AK5: variants seen among roughly 807,000 people sequenced by gnomAD.
The protein encoded by AK5 is adenylate kinase isoenzyme 5.
Under a neutral mutation model 69.5 loss-of-function variants are expected in AK5, and 27 were observed. The observed-to-expected ratio is 0.39, with a 90% CI of 0.29 to 0.54. AK5 has a LOEUF of 0.54. Among genes scored for constraint, AK5 ranks in the 20% least tolerant of loss-of-function variants. AK5 has a pLI of 0.71. For synonymous variants in AK5, 260 were observed against 244.4 expected (o/e 1.06, Z -0.60); for missense variants, 531 against 700.4 (o/e 0.76, Z 2.73).
rs756128315 is a variant in AK5 at position 77,535,948 on chromosome 1, C to T, written c.1530C>T (p.Thr510=). 29 of 1,613,982 alleles carry T rather than the reference C, an allele frequency of 1.8e-5. No individual in the cohort carries two copies. The highest frequency in any genetic ancestry group is 1.5e-5 in the Non-Finnish European group (18 of 1,180,030). The change falls in exon 13 of 14, where the codon ACC becomes ACT. Residue 510 remains threonine, a synonymous_variant. Transcript: ENST00000354567. ...RSRSSLPVDD[T]TKTIAKRLEA... The stretch of plus-strand genomic sequence containing the variant: ...GGAGCAGCCTGCCTGTGGACGACAC[C>T]ACCAAGACCATCGCCAAGCGCCTAG...
intron 6 of AK5, among the ~76,000 whole-genome samples, chr1:77,390,262 T>C (rs1424724225): frequency 6.6e-6 from 1 of 152,240 alleles, no homozygotes; most frequent in Non-Finnish European, 1.5e-5. Flanking sequence ...ACAGTTCTAA[T>C]GGTGTGAAAT....
At chr1:77,324,133 C>G (rs1660668392) in intron 5 of AK5, among the ~76,000 whole-genome samples, 1 of 152,024 alleles carries the variant, frequency 6.6e-6, no homozygotes, top group Non-Finnish European at 1.5e-5. Context: ...GGCAATCTAC[C>G]CATTTACTAA....
At chr1:77,325,403 A>G (rs1224836741) in intron 5 of AK5, among the ~76,000 whole-genome samples, 1 of 152,152 alleles carries the variant, frequency 6.6e-6, no homozygotes, top group Non-Finnish European at 1.5e-5. Context: ...TTATATCATC[A>G]GGGTTTCTCA....
intron 7 of AK5, among the ~76,000 whole-genome samples, chr1:77,416,961 T>C (rs1255914944): frequency 6.6e-6 from 1 of 152,172 alleles, no homozygotes; most frequent in Admixed American, 6.5e-5. Context: ...AGAAGTCCCA[T>C]TGTAAAAATT....
At chr1:77,503,927 G>GA (rs1487635719) in intron 10 of AK5, among the ~76,000 whole-genome samples, 1 of 151,760 alleles carries the variant, frequency 6.6e-6, no homozygotes, top group African/African-American at 2.4e-5. Flanking sequence ...AAATGGGGTT[G>GA]AAAAAAATTT....
rs750577977 is a variant in AK5, at chr1:77,539,449, A to G, written c.1620+3411A>G. ...GCCTTCAGGACTCCCAGAGAGTCTC[A>G]GGGAGGCTGCTTCATCCCACTGCCC... On this transcript the variant is annotated intron_variant, in intron 13 of 13. Transcript: ENST00000354567. Among the ~76,000 whole-genome samples, 6 of 152,320 alleles carry G rather than the reference A, an allele frequency of 3.9e-5. No individual in the cohort carries two copies. In the South Asian group the frequency reaches 6.2e-4, roughly 16 times the overall value.
intron 10 of AK5, among the ~76,000 whole-genome samples, chr1:77,488,264 A>G (rs1275849909): frequency 2.0e-5 from 3 of 152,312 alleles, no homozygotes; most frequent in East Asian, 3.9e-4. Context: ...AAGTAAAACT[A>G]TATATTGCTT....
intron 5 of AK5, among the ~76,000 whole-genome samples, chr1:77,329,881 A>G (rs1570389909): frequency 6.6e-6 from 1 of 152,216 alleles, no homozygotes. Context: ...GGAGCCAGAG[A>G]ACCATAAACT....
At chr1:77,345,648 T>C (rs951732269) in intron 6 of AK5, among the ~76,000 whole-genome samples, 5 of 152,180 alleles carry the variant, frequency 3.3e-5, no homozygotes, top group African/African-American at 9.7e-5. Context: ...ACGATTGACA[T>C]AGAGAGCACA....
In AK5 at chr1:77,486,331, T is replaced by C. The variant is rs1655587882; in HGVS notation, c.1126T>C (p.Cys376Arg). 6.3e-7 allele frequency: 1 copy of C among 1,579,044 alleles called. No homozygotes were observed. Among genetic ancestry groups the C allele is most frequent in the Admixed American group, 1.7e-5 (1 of 59,304 alleles). ...AGGTTTCATGGAAGATTTGAGAAAG[T>C]GTAAAATTATTTTCATAATTGGTGA... Reference protein sequence around the residue: ...MGGFMEDLRKCKIIFIIGGPG... With the variant: ...MGGFMEDLRKRKIIFIIGGPG... The change falls in exon 10 of 14, where the codon TGT becomes CGT. Residue 376 changes from cysteine to arginine, a missense_variant. By Grantham distance (180) the Cys-to-Arg change is radical. Coordinates refer to ENST00000354567, the MANE Select transcript of AK5 (RefSeq NM_174858.3).
At chr1:77,424,404 A>G (rs2100597037) in intron 8 of AK5, among the ~76,000 whole-genome samples, 1 of 152,212 alleles carries the variant, frequency 6.6e-6, no homozygotes, top group South Asian at 2.1e-4. Context: ...AGGACTACAG[A>G]TGTACACCAC....
At chr1:77,421,503 T>G (rs944501414) in intron 8 of AK5, among the ~76,000 whole-genome samples, 24 of 152,162 alleles carry the variant, frequency 1.6e-4, no homozygotes, top group African/African-American at 5.8e-4. Context: ...TCCAAAGGGA[T>G]TATGGATGGG....
intron 13 of AK5, among the ~76,000 whole-genome samples, chr1:77,536,893 G>A (rs758902765): frequency 5.9e-5 from 9 of 152,160 alleles, no homozygotes; most frequent in East Asian, 1.9e-4. Flanking sequence ...GGAAATGAGT[G>A]TATCAACCTA....
At chr1:77,395,317 T>G (rs1340412290) in intron 6 of AK5, among the ~76,000 whole-genome samples, 10 of 152,236 alleles carry the variant, frequency 6.6e-5, no homozygotes, top group African/African-American at 2.4e-4. Context: ...ATTAATTTTG[T>G]TTTTCACAGG....
intron 13 of AK5, 112 bp from the exon 14 acceptor site, chr1:77,558,490 G>GTGTT: frequency 3.4e-6 from 2 of 589,168 alleles, no homozygotes; most frequent in Non-Finnish European, 6.0e-6. Flanking sequence ...GGGGGGTCTT[G>GTGTT]TGTTTTAAAA....
At chr1:77,534,022 C>G (rs1050331973) in intron 12 of AK5, among the ~76,000 whole-genome samples, 1 of 151,660 alleles carries the variant, frequency 6.6e-6, no homozygotes, top group Non-Finnish European at 1.5e-5. Context: ...GCACTGTTGT[C>G]GATTTTGGAG....
intron 12 of AK5, among the ~76,000 whole-genome samples, chr1:77,524,909 T>C (rs1410448088): frequency 6.6e-6 from 1 of 152,150 alleles, no homozygotes; most frequent in Admixed American, 6.5e-5. Context: ...TTTGTTTGTT[T>C]GTTTCTTTGT....
At chr1:77,489,343 G>A (rs1190904445) in intron 10 of AK5, among the ~76,000 whole-genome samples, 1 of 152,170 alleles carries the variant, frequency 6.6e-6, no homozygotes, top group Non-Finnish European at 1.5e-5. Context: ...ATTTCAGCTT[G>A]CTGTTTGGGC....
chr1:77,355,868 TAC>T (rs66682700), intron 6 of AK5, among the ~76,000 whole-genome samples: 54,766 of 145,876 alleles, frequency 0.38, 10,555 homozygotes, highest in East Asian at 0.53. Context: ...CCTCATTAAA[TAC>T]ACACACACAC....
Sources: gnomAD v4.1 joint callset for allele counts (sites outside exome capture counted in the v4.1 genomes callset) on GRCh38, gnomAD v4.1.1 for gene constraint, MANE v1.5 for transcripts, NCBI Gene and HGNC (gene_info 2026-07-23, HGNC 2026-07-21) for gene names.